RHOQ: variants seen among roughly 807,000 people sequenced by gnomAD.
The protein encoded by RHOQ is ras homolog family member Q.
A neutral mutation model predicts 25.8 loss-of-function variants in RHOQ; 7 were observed. The ratio of observed to expected loss-of-function variants is 0.27; its 90% CI spans 0.15 to 0.51. The LOEUF (loss-of-function observed/expected upper bound fraction) is 0.51, where lower values mean the gene tolerates loss of function less well. RHOQ is among the 20% of genes least tolerant of loss of function. The pLI, the probability that RHOQ is intolerant of heterozygous loss-of-function variation, is 0.97. For synonymous variants in RHOQ, 97 were observed against 98.6 expected, an observed-to-expected ratio of 0.98 and a Z score of 0.10; for missense variants, 165 against 260.6, an observed-to-expected ratio of 0.63 and a Z score of 2.53.
At chr2:46,547,232 G>T (rs887634105) in intron 2 of RHOQ, among the ~76,000 whole-genome samples, 1 of 152,176 alleles carries the variant, frequency 6.6e-6, no homozygotes, top group African/African-American at 2.4e-5. Context: ...TTGAATAACA[G>T]CAACAGTGCC....
At chr2:46,561,158 T>G (rs1456358811) in intron 2 of RHOQ, among the ~76,000 whole-genome samples, 1 of 151,846 alleles carries the variant, frequency 6.6e-6, no homozygotes, top group East Asian at 1.9e-4. Flanking sequence ...ATATACACCT[T>G]TGATATATAT....
Position 46,583,835 on chromosome 2 carries a change from A to G in RHOQ, c.*2752A>G, listed in dbSNP as rs1669482339. 6.6e-6 allele frequency among the ~76,000 whole-genome samples: 1 copy of G among 152,204 alleles called. No individual in the cohort carries two copies. Among genetic ancestry groups the G allele is most frequent in the South Asian group, 2.1e-4 (1 of 4,830 alleles). ...TAGTGAATACAAATACACTGCCTCA[A>G]ATAAGGCCATGTATGAATGAACTTA... On this transcript the variant is annotated 3_prime_UTR_variant, in exon 5 of 5. Transcript: ENST00000238738.
At position 46,566,259 on chromosome 2, in the gene RHOQ, A is replaced by G. The variant is rs1438208224; in HGVS notation, c.202-9828A>G. 6.6e-6 allele frequency among the ~76,000 whole-genome samples: 1 copy of G among 152,150 alleles called. No homozygotes were observed. Among genetic ancestry groups the G allele is most frequent in the Non-Finnish European group, 1.5e-5 (1 of 68,020 alleles). Reference sequence around the variant, plus strand: ...TTGAGATGCTTCTGGTTCAGCTAAAAGGAGGTACATAGTAATAAGCTAGTT... The same window carrying G: ...TTGAGATGCTTCTGGTTCAGCTAAAGGGAGGTACATAGTAATAAGCTAGTT... On this transcript the variant is annotated intron_variant, in intron 2 of 4. Transcript: ENST00000238738. This position sits in a 1 kb window ranked among gnomAD's most constrained non-coding sequence, Gnocchi z 4.2.
chr2:46,544,383 C>T (rs900629555), intron 2 of RHOQ, among the ~76,000 whole-genome samples: 1 of 152,182 alleles, frequency 6.6e-6, no homozygotes, highest in African/African-American at 2.4e-5. Flanking sequence ...TGTAGCCACT[C>T]CCTGGGGTGG....
intron 2 of RHOQ, chr2:46,568,872 G>C (rs1245562519): frequency 6.6e-6 from 1 of 152,226 alleles, no homozygotes; most frequent in Non-Finnish European, 1.5e-5. Context: ...CCAGATATTT[G>C]TGGAGTGAAT....
In RHOQ at chr2:46,576,624, T is replaced by C. The variant is rs773679481; in HGVS notation, c.430T>C (p.Cys144Arg). 8 of 1,609,234 alleles carry C rather than the reference T, an allele frequency of 5.0e-6. No homozygotes were observed. Among genetic ancestry groups the C allele is most frequent in the South Asian group, 1.1e-5 (1 of 90,130 alleles). The change falls in exon 4 of 5, where the codon TGT becomes CGT. Residue 144 changes from cysteine (C) to arginine (R), a missense_variant. Cys to Arg is a radical substitution (Grantham distance 180, BLOSUM62 -3). Transcript: ENST00000238738. This position sits in a 1 kb window ranked among gnomAD's most constrained non-coding sequence, Gnocchi z 5.1. ...GAATGATATGAAAGAAAAACCTATA[T>C]GTGTGGAACAAGGACAGAAACTAGC... is the stretch of plus-strand genomic sequence containing the variant. Reference protein sequence around the residue: ...RLNDMKEKPICVEQGQKLAKE... With the variant: ...RLNDMKEKPIRVEQGQKLAKE...
chr2:46,574,066 T>C (rs1669024977), intron 2 of RHOQ, among the ~76,000 whole-genome samples: 1 of 152,230 alleles, frequency 6.6e-6, no homozygotes. Flanking sequence ...GAGACTTGGT[T>C]TCCCATGGGA....
At chr2:46,546,096 G>C (rs1668035696) in intron 2 of RHOQ, among the ~76,000 whole-genome samples, 2 of 151,960 alleles carry the variant, frequency 1.3e-5, no homozygotes, top group Non-Finnish European at 2.9e-5. Context: ...CAGCATTTGA[G>C]GGTTTATTAC....
chr2:46,555,835 G>A lies in RHOQ; in HGVS notation c.201+12023G>A, dbSNP rs1352312664. ...TGACCTGCTCACTTGTGTCTTGACT[G>A]GGAGACCGGAATGCCTCCTGTTGTC... On this transcript the variant is annotated intron_variant, in intron 2 of 4. Coordinates refer to ENST00000238738, the MANE Select transcript of RHOQ (RefSeq NM_012249.4). The surrounding 1 kb of genome is among the most constrained non-coding windows in gnomAD (Gnocchi z 4.3). Among the ~76,000 whole-genome samples, 2 of 152,180 alleles carry A rather than the reference G, an allele frequency of 1.3e-5. No individual in the cohort carries two copies. Among genetic ancestry groups the A allele is most frequent in the African/African-American group, 4.8e-5 (2 of 41,434 alleles).
chr2:46,543,032 C>G lies in RHOQ; in HGVS notation c.-15C>G. The G allele has an allele frequency of 1.3e-6, 2 of 1,569,542 alleles. No individual in the cohort carries two copies. Among genetic ancestry groups the G allele is most frequent in the East Asian group, 2.5e-5 (1 of 39,856 alleles). On this transcript the variant is annotated 5_prime_UTR_variant, in exon 1 of 5. Coordinates refer to ENST00000238738, the MANE Select transcript of RHOQ (RefSeq NM_012249.4). The stretch of plus-strand genomic sequence containing the variant: ...GCTCCGGGGGGACCATGCCCGGAGG[C>G]CGGCCGGCAGCAGCATGGCTCACGG...
At chr2:46,553,218 C>T (rs1485819979) in intron 2 of RHOQ, among the ~76,000 whole-genome samples, 1 of 152,208 alleles carries the variant, frequency 6.6e-6, no homozygotes, top group Non-Finnish European at 1.5e-5. Context: ...CTCTTTGCAA[C>T]CCATCTCCAC....
Position 46,581,605 on chromosome 2 carries a change from G to A in RHOQ, c.*522G>A. ...GATGGGCCATACCTGAGGAGAGAATGTATGAGATCAAAAAAGAACAAATGT... is the reference window on the plus strand; with the variant it reads ...GATGGGCCATACCTGAGGAGAGAATATATGAGATCAAAAAAGAACAAATGT... On this transcript the variant is annotated 3_prime_UTR_variant, in exon 5 of 5. Coordinates refer to ENST00000238738, the MANE Select transcript of RHOQ (RefSeq NM_012249.4). 2.5e-6 allele frequency: 4 copies of A among 1,609,058 alleles called. No individual in the cohort carries two copies. Among genetic ancestry groups the A allele is most frequent in the South Asian group, 1.1e-5 (1 of 90,622 alleles).
intron 2 of RHOQ, among the ~76,000 whole-genome samples, chr2:46,554,217 T>C (rs998784383): frequency 1.3e-5 from 2 of 152,092 alleles, no homozygotes; most frequent in African/African-American, 4.8e-5. Context: ...TGGTTGAGAT[T>C]ATCCGTAATT....
rs1373731115 is a variant in RHOQ, at chr2:46,569,486, GT to G, written c.202-6599del. ...GGAAGTGCCAGTTCGTCACAACACAGTTAGATAATGACAAGGCCAGTCCTCT... is the reference window on the plus strand; with the variant it reads ...GGAAGTGCCAGTTCGTCACAACACAGTAGATAATGACAAGGCCAGTCCTCT... On this transcript the variant is annotated intron_variant, in intron 2 of 4. Transcript: ENST00000238738. The surrounding 1 kb of genome is among the most constrained non-coding windows in gnomAD (Gnocchi z 4.1). The G allele has an allele frequency of 3.3e-5, 5 of 152,148 alleles. No homozygotes were observed. The East Asian group carries it at 9.6e-4, about 29-fold the overall frequency. 9.4% of individuals were successfully genotyped at this position (152,148 alleles called of 1,614,324 possible).
chr2:46,550,044 C>T (rs1668192821), intron 2 of RHOQ, among the ~76,000 whole-genome samples: 1 of 151,968 alleles, frequency 6.6e-6, no homozygotes, highest in Admixed American at 6.5e-5. Context: ...CTGGACAACA[C>T]AACAAGACCC....
rs1475817430 is a variant in RHOQ, at chr2:46,552,115, C to T, written c.201+8303C>T. 6.6e-6 allele frequency among the ~76,000 whole-genome samples: 1 copy of T among 152,196 alleles called. No homozygotes were observed. Among genetic ancestry groups the T allele is most frequent in the Non-Finnish European group, 1.5e-5 (1 of 68,042 alleles). ...TGTAAAAGGTACATTCCAAGCGTAT[C>T]GCTTTTCTAGCTAGAAGAGATGGTG... is the stretch of plus-strand genomic sequence containing the variant. On this transcript the variant is annotated intron_variant, in intron 2 of 4. Coordinates refer to ENST00000238738, the MANE Select transcript of RHOQ (RefSeq NM_012249.4). This position sits in a 1 kb window ranked among gnomAD's most constrained non-coding sequence, Gnocchi z 5.0.
chr2:46,584,603 G>C lies in RHOQ; in HGVS notation c.*3520G>C, dbSNP rs936658230. Among the ~76,000 whole-genome samples, 1 of 152,082 alleles carries C rather than the reference G, an allele frequency of 6.6e-6. No homozygotes were observed. The highest frequency in any genetic ancestry group is 1.5e-5 in the Non-Finnish European group (1 of 67,982). On this transcript the variant is annotated 3_prime_UTR_variant, in exon 5 of 5. Coordinates refer to ENST00000238738, the MANE Select transcript of RHOQ (RefSeq NM_012249.4). ...TTTGTCTAATGAAGGGTTACGGCTT[G>C]GAACACTTGGTTATTCATGTTATGT...
At position 46,581,426 on chromosome 2, in the gene RHOQ, T is replaced by G. The variant is rs1669367752; in HGVS notation, c.*343T>G. 1.3e-5 allele frequency: 20 copies of G among 1,583,186 alleles called. No individual in the cohort carries two copies. Among genetic ancestry groups the G allele is most frequent in the Non-Finnish European group, 1.6e-5 (19 of 1,164,530 alleles). Reference sequence around the variant, plus strand: ...CTGCTTGGCTTTGACCATACACATTTCTGCCCAGCCCTTACAGAATCTGCA... The same window carrying G: ...CTGCTTGGCTTTGACCATACACATTGCTGCCCAGCCCTTACAGAATCTGCA... On this transcript the variant is annotated 3_prime_UTR_variant, in exon 5 of 5. Coordinates refer to ENST00000238738, the MANE Select transcript of RHOQ (RefSeq NM_012249.4).
At chr2:46,565,873 A>C (rs1668716949) in intron 2 of RHOQ, among the ~76,000 whole-genome samples, 1 of 152,218 alleles carries the variant, frequency 6.6e-6, no homozygotes, top group Non-Finnish European at 1.5e-5. Context: ...ATTACAGTAT[A>C]AACAAACAGG....
Sources: allele counts gnomAD v4.1 joint callset (sites outside exome capture counted in the v4.1 genomes callset), GRCh38; gene constraint gnomAD v4.1.1; non-coding constraint Gnocchi (gnomAD v3.1); transcripts MANE v1.5; gene names NCBI Gene and HGNC (gene_info 2026-07-23, HGNC 2026-07-21).